TRPM6: variants seen among roughly 807,000 people sequenced by gnomAD.
TRPM6 encodes transient receptor potential cation channel subfamily M member 6.
In TRPM6, 111 loss-of-function variants were observed where a neutral mutation model predicts 247.6. The ratio of observed to expected loss-of-function variants is 0.45; its 90% CI spans 0.38 to 0.52. TRPM6 has a LOEUF of 0.52. Among genes scored for constraint, TRPM6 ranks in the 20% least tolerant of loss-of-function variants. The pLI, the probability that TRPM6 is intolerant of heterozygous loss-of-function variation, is 0.00. For synonymous variants in TRPM6, 892 were observed against 853.8 expected, an observed-to-expected ratio of 1.04 and a Z score of -0.78; for missense variants, 2,126 against 2,421.5, an observed-to-expected ratio of 0.88 and a Z score of 2.56.
chr9:74,800,426 C>T lies in TRPM6; in HGVS notation c.2066G>A (p.Arg689His), dbSNP rs375390431. ...LLEKAFKQNERMAMTLLTYEL... is the reference protein window; with the variant it reads ...LLEKAFKQNEHMAMTLLTYEL... ...ATACGTCAACAGCGTCATGGCCATG[C>T]GCTCATTCTGCTTGAATGCCTTCTC... The change falls in exon 17 of 39, where the codon CGC becomes CAC. Residue 689 changes from arginine to histidine, a missense_variant. This residue lies in a region of TRPM6 where 1,082 missense variants were observed against 1,307.9 expected (regional missense o/e 0.83). Coordinates refer to ENST00000360774, the MANE Select transcript of TRPM6 (RefSeq NM_017662.5). 16 of 1,613,948 alleles carry T rather than the reference C, an allele frequency of 9.9e-6. No individual in the cohort carries two copies. The Admixed American group carries it at 1.2e-4, about 12-fold the overall frequency.
intron 2 of TRPM6, among the ~76,000 whole-genome samples, chr9:74,858,193 C>T (rs532349031): frequency 6.6e-6 from 1 of 152,300 alleles, no homozygotes; most frequent in South Asian, 2.1e-4. Flanking sequence ...TTGAGACCAT[C>T]CTGGCTAACA....
chr9:74,750,181 G>A (rs942378886), intron 30 of TRPM6, among the ~76,000 whole-genome samples: 18 of 152,004 alleles, frequency 1.2e-4, no homozygotes, highest in African/African-American at 4.4e-4. Flanking sequence ...TTATTGCTTT[G>A]ATGATTAGCA....
intron 31 of TRPM6, 50 bp downstream of exon 31, chr9:74,747,839 T>C (rs371884547): frequency 6.8e-7 from 1 of 1,474,912 alleles, no homozygotes; most frequent in Non-Finnish European, 9.4e-7. Flanking sequence ...GAACCTCGCA[T>C]TAAAAAGATG....
At chr9:74,744,325 C>A in intron 31 of TRPM6, 180 bp from the exon 32 acceptor site, 1 of 672,286 alleles carries the variant, frequency 1.5e-6, no homozygotes, top group South Asian at 1.6e-5. Context: ...TGACAGCTTC[C>A]AATCATCAAT....
intron 30 of TRPM6, 127 bp from the exon 31 acceptor site, chr9:74,748,041 T>C (rs188374274): frequency 2.0e-5 from 17 of 860,998 alleles, no homozygotes; most frequent in Admixed American, 1.7e-4. Context: ...GTGAAATACA[T>C]ATACAGTCAT....
rs750008274 is a variant in TRPM6, at chr9:74,820,420, G to A, written c.1018C>T (p.Arg340Ter). The change falls in exon 9 of 39, where the codon CGA becomes TGA. Residue 340 changes from arginine (R) to a stop codon, truncating the protein, a stop_gained. Transcript: ENST00000360774. LOFTEE classifies it high-confidence loss of function. ...HKHLADEGML[R>*]PQVKEEIICM... The stretch of plus-strand genomic sequence containing the variant: ...ATGATCTCCTCTTTCACCTGAGGTC[G>A]CAGCATCCTGGAAGAGAAATAAATG... 4.3e-6 allele frequency: 7 copies of A among 1,613,854 alleles called. No individual in the cohort carries two copies. The highest frequency in any genetic ancestry group is 2.2e-5 in the South Asian group (2 of 91,084).
chr9:74,791,059 A>G (rs2118968116), intron 19 of TRPM6, among the ~76,000 whole-genome samples: 1 of 152,336 alleles, frequency 6.6e-6, no homozygotes, highest in African/African-American at 2.4e-5. Context: ...GCTATTGCTT[A>G]GCTTTGTTCC....
rs1830545567 is a variant in TRPM6 at position 74,856,927 on chromosome 9, C to T, written c.114-1362G>A. Among the ~76,000 whole-genome samples, 3 of 152,128 alleles carry T rather than the reference C, an allele frequency of 2.0e-5. No homozygotes were observed. The South Asian group carries it at 6.2e-4, about 32-fold the overall frequency. ...CCACAATATAGAGACAGTTTTTTCA[C>T]TTGCTAAAAGTACATCATGCCTTGG... On this transcript the variant is annotated intron_variant, in intron 2 of 38. Transcript: ENST00000360774.
chr9:74,762,591 A>T lies in TRPM6; in HGVS notation c.4080T>A (p.Thr1360=). Residue 1360 remains threonine, a synonymous_variant, in exon 26 of 39, where the codon ACT becomes ACA. Coordinates refer to ENST00000360774, the MANE Select transcript of TRPM6 (RefSeq NM_017662.5). ...NLKRVPFSAE[T]VLPLSRPSVP... ...CAGAGGGTCTGGACAGAGGCAAGAC[A>T]GTTTCTGCTGAAAAAGGAACTCGCT... 1 of 1,614,204 alleles carries T rather than the reference A, an allele frequency of 6.2e-7. No homozygotes were observed. The highest frequency in any genetic ancestry group is 8.5e-7 in the Non-Finnish European group (1 of 1,180,032).
At chr9:74,872,618 G>GTGTGTGTA (rs1192910011) in intron 1 of TRPM6, among the ~76,000 whole-genome samples, 1 of 151,796 alleles carries the variant, frequency 6.6e-6, no homozygotes, top group African/African-American at 2.4e-5. Flanking sequence ...GTGTGTGTGT[G>GTGTGTGTA]TGTGTGCATG....
At chr9:74,812,205 C>T (rs1828755500) in intron 12 of TRPM6, 94 bp downstream of exon 12, 3 of 1,537,280 alleles carry the variant, frequency 2.0e-6, no homozygotes, top group Non-Finnish European at 2.7e-6. Context: ...CTAATTTCCT[C>T]AGATAAGGAG....
chr9:74,788,933 G>A (rs1203757208), intron 19 of TRPM6, among the ~76,000 whole-genome samples, 191 bp from the exon 20 acceptor site: 1 of 152,178 alleles, frequency 6.6e-6, no homozygotes, highest in Non-Finnish European at 1.5e-5. Context: ...TTCTAGTCTA[G>A]GATTTAGAGG....
At chr9:74,752,471 C>T in intron 28 of TRPM6, 103 bp from the exon 29 acceptor site, 2 of 700,160 alleles carry the variant, frequency 2.9e-6, no homozygotes, top group Non-Finnish European at 4.9e-6. Flanking sequence ...TTCATTTAAA[C>T]TTGGATATAG....
rs1825183248 is a variant in TRPM6, at chr9:74,722,723, C to T, written c.*1890G>A. 1.3e-5 allele frequency: 2 copies of T among 152,150 alleles called. No individual in the cohort carries two copies. Among genetic ancestry groups the T allele is most frequent in the African/African-American group, 4.8e-5 (2 of 41,414 alleles). The allele number at this position is 152,150 out of a possible 1,614,324, so 9.4% of individuals were successfully genotyped here. A position where few individuals can be genotyped will look rare whatever the true frequency, so the allele number is the denominator to read the frequency against. ...TTAACATTTTATCCTCATTGCCAAT[C>T]AACAAATCACCCAAATTTCCCGCTT... On this transcript the variant is annotated 3_prime_UTR_variant, in exon 39 of 39. Transcript: ENST00000360774.
At position 74,723,822 on chromosome 9, in the gene TRPM6, AT is replaced by A. The variant is rs1189934041; in HGVS notation, c.*790del. The A allele has an allele frequency of 2.6e-4, 38 of 146,666 alleles. No individual in the cohort carries two copies. Among genetic ancestry groups the A allele is most frequent in the African/African-American group, 8.4e-4 (34 of 40,418 alleles). 9.1% of individuals were successfully genotyped at this position (146,666 alleles called of 1,614,324 possible). On this transcript the variant is annotated 3_prime_UTR_variant, in exon 39 of 39. Coordinates refer to ENST00000360774, the MANE Select transcript of TRPM6 (RefSeq NM_017662.5). ...CAAAAATAAAAATATATATATATAT[AT>A]ATAAAATATATATATTCCATATGTA...
chr9:74,752,304 G>C lies in TRPM6; in HGVS notation c.4971C>G (p.Ile1657Met), dbSNP rs1408865827. The change falls in exon 29 of 39, where the codon ATC becomes ATG. Residue 1657 changes from isoleucine (I) to methionine (M), a missense_variant. Around this residue, in one of 3 missense-constraint regions of TRPM6, gnomAD observed 717 missense variants for 715.9 expected, o/e 1.00. Coordinates refer to ENST00000360774, the MANE Select transcript of TRPM6 (RefSeq NM_017662.5). ...CTTGAGACTGCTTTAGGTAATCACTGATTTGTATAGCACATTGTCCAATTT... is the reference window on the plus strand; with the variant it reads ...CTTGAGACTGCTTTAGGTAATCACTCATTTGTATAGCACATTGTCCAATTT... ...TKEIGQCAIQISDYLKQSQED... is the reference protein window; with the variant it reads ...TKEIGQCAIQMSDYLKQSQED... The C allele has an allele frequency of 1.3e-6, 2 of 1,599,732 alleles. No individual in the cohort carries two copies. Among genetic ancestry groups the C allele is most frequent in the East Asian group, 2.2e-5 (1 of 44,760 alleles).
chr9:74,746,029 T>C lies in TRPM6; in HGVS notation c.5083+1860A>G, dbSNP rs542532423. Among the ~76,000 whole-genome samples, 4 of 152,052 alleles carry C rather than the reference T, an allele frequency of 2.6e-5. No individual in the cohort carries two copies. In the East Asian group the frequency reaches 7.8e-4, roughly 30 times the overall value. On this transcript the variant is annotated intron_variant, in intron 31 of 38. Coordinates refer to ENST00000360774, the MANE Select transcript of TRPM6 (RefSeq NM_017662.5). ...AGGCCGAGGCGAGCAGATCACGAGG[T>C]CAGAAGATTGAGACCATCCTGGCTA...
chr9:74,752,215 G>A (rs138113749), intron 29 of TRPM6, 62 bp downstream of exon 29: 39 of 906,682 alleles, frequency 4.3e-5, no homozygotes, highest in Middle Eastern at 2.1e-4. Flanking sequence ...TAAAATGGGC[G>A]TAGTCAAGAG....
intron 7 of TRPM6, chr9:74,826,648 C>G (rs1241515512): frequency 6.6e-6 from 1 of 152,500 alleles, no homozygotes; most frequent in Admixed American, 6.6e-5. Context: ...CCAGATAAAA[C>G]TACCAAAATG....
Sources: gnomAD v4.1 joint callset for allele counts (sites outside exome capture counted in the v4.1 genomes callset) on GRCh38, gnomAD v4.1.1 for gene constraint, gnomAD v4.1.1 regional missense constraint, MANE v1.5 for transcripts, NCBI Gene and HGNC (gene_info 2026-07-23, HGNC 2026-07-21) for gene names.